UTS2B: variants seen among roughly 807,000 people sequenced by gnomAD.
UTS2B encodes the protein urotensin 2B.
Under a neutral mutation model 19.2 loss-of-function variants are expected in UTS2B, and 21 were observed. The observed-to-expected ratio is 1.09, with a 90% CI of 0.78 to 1.58. The LOEUF is 1.58. Ranked by LOEUF, UTS2B falls within the 40% of genes most tolerant of loss-of-function variation. The probability of loss-of-function intolerance (pLI) is 0.00; values close to 1 mark genes in which losing one functional copy is unlikely to be tolerated. For synonymous variants in UTS2B, 57 were observed against 50.2 expected (o/e 1.14, Z -0.58); for missense variants, 138 against 130.3 (o/e 1.06, Z -0.29).
intron 4 of UTS2B, among the ~76,000 whole-genome samples, chr3:191,283,034 C>G (rs1397621951): frequency 6.6e-6 from 1 of 152,128 alleles, no homozygotes. Flanking sequence ...TTGGCATTTA[C>G]TTGTCCCAAA....
intron 4 of UTS2B, among the ~76,000 whole-genome samples, chr3:191,295,661 A>G (rs1211142578): frequency 6.6e-6 from 1 of 151,892 alleles, no homozygotes; most frequent in East Asian, 1.9e-4. Context: ...AGGCTTCTCA[A>G]CCATGTCACA....
chr3:191,336,132 G>A, the UTS2B span, among the ~76,000 whole-genome samples: 29 of 137,214 alleles, frequency 2.1e-4, no homozygotes, highest in Non-Finnish European at 4.0e-4. Context: ...GTGTACAAGT[G>A]TTTTTTTTTT....
intron 3 of UTS2B, among the ~76,000 whole-genome samples, chr3:191,310,931 C>T (rs936408156): frequency 1.3e-5 from 2 of 152,178 alleles, no homozygotes; most frequent in African/African-American, 2.4e-5. Flanking sequence ...AGGGTCAAGA[C>T]GTACAGTTTC....
chr3:191,271,834 A>T (rs190766622), intron 8 of UTS2B, among the ~76,000 whole-genome samples: 1 of 152,230 alleles, frequency 6.6e-6, no homozygotes. Flanking sequence ...CTAACTTCAG[A>T]TTCATACATC....
At position 191,267,865 on chromosome 3, in the gene UTS2B, C is replaced by T. The variant is rs1715981367; in HGVS notation, c.*551G>A. ...AACAGAAACACAATCTTTCCATAACCTATGATTAGCAAGATATTAATCAGC... is the reference window on the plus strand; with the variant it reads ...AACAGAAACACAATCTTTCCATAACTTATGATTAGCAAGATATTAATCAGC... On this transcript the variant is annotated 3_prime_UTR_variant, in exon 9 of 9. Transcript: ENST00000340524. 1 of 152,100 alleles carries T rather than the reference C, an allele frequency of 6.6e-6. No homozygotes were observed. The highest frequency in any genetic ancestry group is 2.4e-5 in the African/African-American group (1 of 41,406). The allele number at this position is 152,100 out of a possible 1,614,324, so 9.4% of individuals were successfully genotyped here.
chr3:191,280,168 C>A (rs1278717636), intron 5 of UTS2B, among the ~76,000 whole-genome samples: 1 of 152,068 alleles, frequency 6.6e-6, no homozygotes, highest in Non-Finnish European at 1.5e-5. Flanking sequence ...TGCACAGAGA[C>A]AAGAAATTTT....
the UTS2B span, among the ~76,000 whole-genome samples, chr3:191,335,920 C>T: frequency 6.6e-6 from 1 of 151,754 alleles, no homozygotes; most frequent in African/African-American, 2.4e-5. Flanking sequence ...CCAAACTTCT[C>T]AACCCCCGTT....
intron 2 of UTS2B, chr3:191,328,392 A>T (rs544737010): frequency 2.0e-5 from 3 of 152,404 alleles, no homozygotes; most frequent in African/African-American, 7.2e-5. Context: ...TGCCCTCTTC[A>T]TCTCCCTTTC....
At chr3:191,300,924 C>T (rs1270305869) in intron 4 of UTS2B, among the ~76,000 whole-genome samples, 1 of 152,192 alleles carries the variant, frequency 6.6e-6, no homozygotes, top group Non-Finnish European at 1.5e-5. Flanking sequence ...AAGTAAACCT[C>T]TTTTTAAAAC....
At chr3:191,277,949 G>C in intron 6 of UTS2B, 123 bp downstream of exon 6, 1 of 526,662 alleles carries the variant, frequency 1.9e-6, no homozygotes, top group Non-Finnish European at 3.3e-6. Flanking sequence ...TAAATCTTTA[G>C]TGTAGCATAT....
chr3:191,271,279 A>T (rs1716087474), intron 8 of UTS2B, among the ~76,000 whole-genome samples: 1 of 150,910 alleles, frequency 6.6e-6, no homozygotes, highest in Non-Finnish European at 1.5e-5. Context: ...ACAATGAGAT[A>T]TTGGACCACT....
At chr3:191,325,536 A>T (rs1717723889) in intron 2 of UTS2B, among the ~76,000 whole-genome samples, 1 of 152,168 alleles carries the variant, frequency 6.6e-6, no homozygotes, top group African/African-American at 2.4e-5. Context: ...GGGTGAGGGG[A>T]CTTGAGCAAC....
chr3:191,284,389 A>G (rs916129405), intron 4 of UTS2B, among the ~76,000 whole-genome samples: 1 of 151,740 alleles, frequency 6.6e-6, no homozygotes, highest in Non-Finnish European at 1.5e-5. Flanking sequence ...TGGCGTAATC[A>G]TGGTTCACTG....
At chr3:191,305,490 C>T (rs1004591737) in intron 3 of UTS2B, among the ~76,000 whole-genome samples, 1 of 152,014 alleles carries the variant, frequency 6.6e-6, no homozygotes, top group Non-Finnish European at 1.5e-5. Flanking sequence ...TATTCAGGTC[C>T]TTTGCTCATT....
At chr3:191,328,314 C>T (rs575609054) in intron 2 of UTS2B, 1 of 152,294 alleles carries the variant, frequency 6.6e-6, no homozygotes, top group African/African-American at 2.4e-5. Context: ...ATCCCAGAAT[C>T]CAGGAGTTGC....
At chr3:191,339,761 A>C in the UTS2B span, among the ~76,000 whole-genome samples, 7 of 152,352 alleles carry the variant, frequency 4.6e-5, no homozygotes, top group East Asian at 1.3e-3. Flanking sequence ...GACTGATAAC[A>C]TGGTCTCCAT....
intron 2 of UTS2B, among the ~76,000 whole-genome samples, chr3:191,316,925 C>T (rs1375539645): frequency 1.3e-5 from 2 of 151,548 alleles, no homozygotes; most frequent in African/African-American, 4.9e-5. Context: ...AGTCCCCACC[C>T]GACTCAGGAG....
chr3:191,303,615 C>T (rs1717059733), intron 4 of UTS2B, among the ~76,000 whole-genome samples: 1 of 151,882 alleles, frequency 6.6e-6, no homozygotes. Context: ...GGTTTAAAAT[C>T]ATTCAAGAAG....
intron 2 of UTS2B, among the ~76,000 whole-genome samples, chr3:191,325,167 G>C (rs956771016): frequency 6.6e-6 from 1 of 152,186 alleles, no homozygotes; most frequent in Non-Finnish European, 1.5e-5. Context: ...TGATGACAGA[G>C]AGTGAGAAAA....
Sources: gnomAD v4.1 joint callset for allele counts (sites outside exome capture counted in the v4.1 genomes callset) on GRCh38, gnomAD v4.1.1 for gene constraint, MANE v1.5 for transcripts, NCBI Gene and HGNC (gene_info 2026-07-23, HGNC 2026-07-21) for gene names.